The following SLC25A25 variants were observed in gnomAD, a reference collection of about 807,000 sequenced individuals.
SLC25A25 encodes the protein mitochondrial adenyl nucleotide antiporter SLC25A25.
In SLC25A25, 32 loss-of-function variants were observed where a neutral mutation model predicts 57.7. The ratio of observed to expected loss-of-function variants is 0.55; its 90% CI spans 0.42 to 0.74. The LOEUF (loss-of-function observed/expected upper bound fraction) is 0.74. Ranked by LOEUF, SLC25A25 falls within the 30% of genes least tolerant of loss-of-function variation. The pLI, the probability that SLC25A25 is intolerant of heterozygous loss-of-function variation, is 0.00. For synonymous variants in SLC25A25, 306 were observed against 291.2 expected (o/e 1.05, Z -0.52); for missense variants, 556 against 701.3 (o/e 0.79, Z 2.34).
At chr9:128,104,323 G>T (rs1319842316) in intron 6 of SLC25A25, among the ~76,000 whole-genome samples, 4 of 152,226 alleles carry the variant, frequency 2.6e-5, no homozygotes, top group South Asian at 4.1e-4. Context: ...ATGTCTGAAT[G>T]GTGACTGGCC....
chr9:128,103,780 G>A lies in SLC25A25; in HGVS notation c.724G>A (p.Ala242Thr). 1 of 1,613,846 alleles carries A rather than the reference G, an allele frequency of 6.2e-7. No individual in the cohort carries two copies. Among genetic ancestry groups the A allele is most frequent in the South Asian group, 1.1e-5 (1 of 91,066 alleles). Residue 242 changes from alanine to threonine, a missense_variant, in exon 6 of 11, where the codon GCA becomes ACA. Physicochemically the swap from Ala to Thr is moderately conservative, Grantham distance 58. Transcript: ENST00000373069. This position sits in a 1 kb window ranked among gnomAD's most constrained non-coding sequence, Gnocchi z 6.7. ...WWRHLVAGGG[A>T]GAVSRTCTAP... The stretch of plus-strand genomic sequence containing the variant: ...GAGACACCTGGTGGCAGGAGGTGGG[G>A]CAGGGGCCGTATCCAGAACCTGCAC...
intron 9 of SLC25A25, 94 bp from the exon 10 acceptor site, chr9:128,106,935 G>C: frequency 1.4e-6 from 2 of 1,471,030 alleles, no homozygotes; most frequent in Non-Finnish European, 9.3e-7. Context: ...GCGGCAGTCG[G>C]GTTCCAGTGG....
At chr9:128,077,310 G>A (rs532741799) in intron 1 of SLC25A25, among the ~76,000 whole-genome samples, 2 of 151,664 alleles carry the variant, frequency 1.3e-5, no homozygotes, top group East Asian at 2.0e-4. Flanking sequence ...GGTGGATCAC[G>A]AGGTCAGGGG....
In SLC25A25 at chr9:128,107,423, C is replaced by T. The variant is rs747304394; in HGVS notation, c.1527C>T (p.Thr509=). The T allele has an allele frequency of 6.0e-6, 9 of 1,507,692 alleles. No homozygotes were observed. The highest frequency in any genetic ancestry group is 2.7e-5 in the South Asian group (2 of 74,214). 93.4% of individuals were successfully genotyped at this position (1,507,692 alleles called of 1,614,324 possible). A position where few individuals can be genotyped will look rare whatever the true frequency, so the allele number is the denominator to read the frequency against. The change falls in exon 11 of 11, where the codon ACC becomes ACT. Residue 509 remains threonine, a synonymous_variant. Transcript: ENST00000373069. ...TGGTCTACGAGAACCTGAAGATCAC[C>T]CTGGGCGTGCAGTCGCGGTGACGGG... is the stretch of plus-strand genomic sequence containing the variant. The part of the protein sequence containing the change: ...SYVVYENLKI[T]LGVQSR
rs139718385 is a variant in SLC25A25, at chr9:128,080,234, A to C, written c.261+11654A>C. Among the ~76,000 whole-genome samples, 49 of 75,950 alleles carry C rather than the reference A, an allele frequency of 6.5e-4. No individual in the cohort carries two copies. In the East Asian group the frequency reaches 0.013, roughly 21 times the overall value. The allele number at this position is 75,950 out of a possible 152,430, so 49.8% of individuals were successfully genotyped here. A position where few individuals can be genotyped will look rare whatever the true frequency, so the allele number is the denominator to read the frequency against. The stretch of plus-strand genomic sequence containing the variant: ...CAACAGAGTGATACCCCATCTAAAA[A>C]AAAAAAACAAAAAAACAAAAAAAAA... On this transcript the variant is annotated intron_variant, in intron 1 of 10. Coordinates refer to ENST00000373069, the MANE Select transcript of SLC25A25 (RefSeq NM_001330988.2).
rs1166121891 is a variant in SLC25A25 at position 128,068,447 on chromosome 9, G to T, written c.128G>T (p.Gly43Val). Residue 43 changes from glycine (G) to valine (V), a missense_variant, in exon 1 of 11, where the codon GGC becomes GTC. Gly to Val is a moderately radical substitution (Grantham distance 109). Around this residue, in one of 3 missense-constraint regions of SLC25A25, gnomAD observed 248 missense variants for 273.5 expected, o/e 0.91. Transcript: ENST00000373069. ...CCCTGCGGCGGCGCTATCTGCGGGG[G>T]CCCGGACCACCGGCTGCGCCTGTGG... Reference protein sequence around the residue: ...GDPCGGAICGGPDHRLRLWRL... With the variant: ...GDPCGGAICGVPDHRLRLWRL... 1.9e-6 allele frequency: 3 copies of T among 1,556,932 alleles called. No individual in the cohort carries two copies. Among genetic ancestry groups the T allele is most frequent in the East Asian group, 2.4e-5 (1 of 41,506 alleles).
chr9:128,076,140 T>C (rs1282969353), intron 1 of SLC25A25, among the ~76,000 whole-genome samples: 1 of 152,166 alleles, frequency 6.6e-6, no homozygotes, highest in East Asian at 1.9e-4. Context: ...TTATTATTTA[T>C]TTATTATTTG....
chr9:128,070,830 A>G (rs1832889699), intron 1 of SLC25A25, among the ~76,000 whole-genome samples: 1 of 151,802 alleles, frequency 6.6e-6, no homozygotes, highest in Non-Finnish European at 1.5e-5. Context: ...GCATGCCTGT[A>G]ATTCCAGTAC....
rs1833522300 is a variant in SLC25A25 at position 128,095,147 on chromosome 9, A to G, written c.262-5949A>G. 6.6e-6 allele frequency among the ~76,000 whole-genome samples: 1 copy of G among 152,180 alleles called. No homozygotes were observed. Among genetic ancestry groups the G allele is most frequent in the Non-Finnish European group, 1.5e-5 (1 of 68,016 alleles). On this transcript the variant is annotated intron_variant, in intron 1 of 10. Coordinates refer to ENST00000373069, the MANE Select transcript of SLC25A25 (RefSeq NM_001330988.2). The surrounding 1 kb of genome is among the most constrained non-coding windows in gnomAD (Gnocchi z 4.4). ...TGACACAAACACCGTTTTTGGTTGT[A>G]TTTAGCTAGGGCTCAACTTGCTCAA...
At position 128,068,423 on chromosome 9, in the gene SLC25A25, C is replaced by T; in HGVS notation, c.104C>T (p.Pro35Leu). The T allele has an allele frequency of 1.3e-6, 2 of 1,559,240 alleles. No homozygotes were observed. The highest frequency in any genetic ancestry group is 1.7e-6 in the Non-Finnish European group (2 of 1,163,184). Reference sequence around the variant, plus strand: ...TCATCGCCGGCGTCCGTGGGGGACCCCTGCGGCGGCGCTATCTGCGGGGGC... The same window carrying T: ...TCATCGCCGGCGTCCGTGGGGGACCTCTGCGGCGGCGCTATCTGCGGGGGC... Reference protein sequence around the residue: ...SASSPASVGDPCGGAICGGPD... With the variant: ...SASSPASVGDLCGGAICGGPD... Residue 35 changes from proline to leucine, a missense_variant, in exon 1 of 11, where the codon CCC (proline) becomes CTC (leucine). Physicochemically the swap from Pro to Leu is moderately conservative, Grantham distance 98. Around this residue, in one of 3 missense-constraint regions of SLC25A25, gnomAD observed 248 missense variants for 273.5 expected, o/e 0.91. Transcript: ENST00000373069.
intron 6 of SLC25A25, among the ~76,000 whole-genome samples, chr9:128,104,945 C>T (rs940489617): frequency 1.3e-5 from 2 of 151,002 alleles, no homozygotes; most frequent in Admixed American, 6.6e-5. Context: ...CAACCTCCCT[C>T]ACTGGGTTCA....
At chr9:128,092,389 G>T (rs1444893194) in intron 1 of SLC25A25, among the ~76,000 whole-genome samples, 11 of 152,240 alleles carry the variant, frequency 7.2e-5, no homozygotes, top group Non-Finnish European at 1.3e-4. Context: ...GTGAGGGGCA[G>T]CCTGTGAAAG....
intron 6 of SLC25A25, among the ~76,000 whole-genome samples, chr9:128,104,090 A>G (rs1456807902): frequency 1.3e-5 from 2 of 152,168 alleles, no homozygotes; most frequent in Non-Finnish European, 2.9e-5. Context: ...AGGTGAAGCT[A>G]GCGAGACTGG....
chr9:128,072,097 C>T (rs1047960673), intron 1 of SLC25A25, among the ~76,000 whole-genome samples: 2 of 152,164 alleles, frequency 1.3e-5, no homozygotes, highest in African/African-American at 4.8e-5. Context: ...AATTTATTAG[C>T]TCATTACCTG....
At chr9:128,070,970 AAAAG>A (rs1554730811) in intron 1 of SLC25A25, among the ~76,000 whole-genome samples, 2 of 64,280 alleles carry the variant, frequency 3.1e-5, no homozygotes, top group South Asian at 4.2e-4. Flanking sequence ...AAAAAAAAAA[AAAAG>A]AAAGAAAGAA....
chr9:128,103,618 G>A lies in SLC25A25; in HGVS notation c.625-63G>A, dbSNP rs1178075567. ...GGAGCCGTGCTAGAGGGTAGACGGC[G>A]ACAGGTGCCAGCAGCCTTGCCCCAA... On this transcript the variant is annotated intron_variant, in intron 5 of 10. Transcript: ENST00000373069. The surrounding 1 kb of genome is among the most constrained non-coding windows in gnomAD (Gnocchi z 6.7). 9.3e-6 allele frequency: 15 copies of A among 1,609,378 alleles called. No individual in the cohort carries two copies. The highest frequency in any genetic ancestry group is 3.3e-5 in the South Asian group (3 of 90,768).
intron 1 of SLC25A25, among the ~76,000 whole-genome samples, chr9:128,075,658 A>G (rs1020236162): frequency 6.6e-6 from 1 of 152,144 alleles, no homozygotes; most frequent in Non-Finnish European, 1.5e-5. Flanking sequence ...CCTGGCCAAC[A>G]TGGTGAAACC....
At chr9:128,098,646 C>G in intron 1 of SLC25A25, 7 of 1,614,158 alleles carry the variant, frequency 4.3e-6, no homozygotes, top group Non-Finnish European at 5.9e-6. Flanking sequence ...AAGGGGCTCC[C>G]TGCCGAGCTG....
Position 128,095,604 on chromosome 9 carries a change from G to A in SLC25A25, c.262-5492G>A, listed in dbSNP as rs1833532666. 6.6e-6 allele frequency among the ~76,000 whole-genome samples: 1 copy of A among 152,192 alleles called. No individual in the cohort carries two copies. The highest frequency in any genetic ancestry group is 1.5e-5 in the Non-Finnish European group (1 of 68,028). Reference sequence around the variant, plus strand: ...AAATGCCAATTGAAGTTTATCCAATGAAGACATTCCATGAGACTCAGTCAC... The same window carrying A: ...AAATGCCAATTGAAGTTTATCCAATAAAGACATTCCATGAGACTCAGTCAC... On this transcript the variant is annotated intron_variant, in intron 1 of 10. Transcript: ENST00000373069. This position sits in a 1 kb window ranked among gnomAD's most constrained non-coding sequence, Gnocchi z 4.4.
Sources: allele counts gnomAD v4.1 joint callset (sites outside exome capture counted in the v4.1 genomes callset), GRCh38; gene constraint gnomAD v4.1.1; regional missense constraint gnomAD v4.1.1; non-coding constraint Gnocchi (gnomAD v3.1); transcripts MANE v1.5; gene names NCBI Gene and HGNC (gene_info 2026-07-23, HGNC 2026-07-21).